SLC30A8: variants seen among roughly 807,000 people sequenced by gnomAD.
SLC30A8 encodes solute carrier family 30 member 8.
SLC30A8 carries 27 observed loss-of-function variants against 36.9 expected under a neutral mutation model. The ratio of observed to expected loss-of-function variants is 0.73; its 90% CI spans 0.54 to 1.01. The LOEUF (loss-of-function observed/expected upper bound fraction) is 1.01. Among genes scored for constraint, SLC30A8 ranks in the 50% least tolerant of loss-of-function variants. The pLI is 0.00. For synonymous variants in SLC30A8, 164 were observed against 172.4 expected, an observed-to-expected ratio of 0.95 and a Z score of 0.38; for missense variants, 439 against 452.0, an observed-to-expected ratio of 0.97 and a Z score of 0.26.
rs528474649 is a variant in SLC30A8 at position 117,027,181 on chromosome 8, G to A, written c.-265-12038G>A. ...TCCAAACTGAAAGGGCATGTGTTTG[G>A]CGACAGGGATAGAAAGTTGAATACA... is the stretch of plus-strand genomic sequence containing the variant. On this transcript the variant is annotated intron_variant, in intron 1 of 10. Transcript: ENST00000427715. 4.6e-5 allele frequency among the ~76,000 whole-genome samples: 7 copies of A among 152,224 alleles called. No homozygotes were observed. The South Asian group carries it at 1.5e-3, about 32-fold the overall frequency.
chr8:117,094,943 G>C (rs1232987022), intron 2 of SLC30A8, among the ~76,000 whole-genome samples: 2 of 152,242 alleles, frequency 1.3e-5, no homozygotes, highest in Non-Finnish European at 2.9e-5. Flanking sequence ...GTGCACGCCT[G>C]GCCAGGCTGT....
intron 2 of SLC30A8, among the ~76,000 whole-genome samples, chr8:117,111,375 G>T (rs1226498748): frequency 1.3e-5 from 2 of 152,094 alleles, no homozygotes; most frequent in Non-Finnish European, 2.9e-5. Flanking sequence ...TCAGACTTTA[G>T]CAGTAGACCA....
intron 2 of SLC30A8, among the ~76,000 whole-genome samples, chr8:117,057,298 A>T (rs1159124350): frequency 6.6e-6 from 1 of 152,200 alleles, no homozygotes; most frequent in African/African-American, 2.4e-5. Context: ...GTACAGTGTG[A>T]TGATTTGGTA....
At chr8:117,005,491 T>A (rs1188608037) in intron 1 of SLC30A8, among the ~76,000 whole-genome samples, 1 of 152,230 alleles carries the variant, frequency 6.6e-6, no homozygotes, top group Non-Finnish European at 1.5e-5. Flanking sequence ...ACTTTTAGGT[T>A]GATTCCACCT....
Position 117,002,913 on chromosome 8 carries a change from A to AT in SLC30A8, c.-265-36297dup, listed in dbSNP as rs201180534. Among the ~76,000 whole-genome samples the AT allele has an allele frequency of 2.5e-3, 385 of 151,278 alleles. 4 individuals carry two copies. The highest frequency in any genetic ancestry group is 7.6e-3 in the African/African-American group (315 of 41,272). The stretch of plus-strand genomic sequence containing the variant: ...CCACTGTGCCTGGCCAAAAGATGTT[A>AT]TTTTTTTTTAGCATCCATTCGTTGT... On this transcript the variant is annotated intron_variant, in intron 1 of 10. Coordinates refer to the SLC30A8 transcript ENST00000427715.
intron 1 of SLC30A8, among the ~76,000 whole-genome samples, chr8:116,952,477 C>T (rs1167129276): frequency 6.6e-6 from 1 of 152,042 alleles, no homozygotes; most frequent in Non-Finnish European, 1.5e-5. Context: ...CAGAGTCTCC[C>T]TCTGTCACCC....
chr8:116,974,231 C>A (rs957376820), intron 1 of SLC30A8, among the ~76,000 whole-genome samples: 36 of 152,296 alleles, frequency 2.4e-4, no homozygotes, highest in African/African-American at 8.4e-4. Context: ...GCAAAAGAAA[C>A]CACCATCAGA....
chr8:117,053,818 A>G (rs1192187646), intron 2 of SLC30A8, among the ~76,000 whole-genome samples: 1 of 152,228 alleles, frequency 6.6e-6, no homozygotes, highest in African/African-American at 2.4e-5. Context: ...GGTTTTTGAA[A>G]TGAACTTGAA....
chr8:117,013,875 TA>T (rs1422950964), intron 1 of SLC30A8, among the ~76,000 whole-genome samples: 1 of 152,218 alleles, frequency 6.6e-6, no homozygotes, highest in Non-Finnish European at 1.5e-5. Flanking sequence ...GAGAATATAT[TA>T]ATCATTATCA....
rs571289829 is a variant in SLC30A8, at chr8:117,004,883, G to A, written c.-265-34336G>A. On this transcript the variant is annotated intron_variant, in intron 1 of 10. Transcript: ENST00000427715. ...TCTAGCAACTTGTTTATAAATAAGA[G>A]CATTTTTTGCAAAAATTTTCAAAGG... Among the ~76,000 whole-genome samples the A allele has an allele frequency of 8.6e-5, 13 of 151,944 alleles. No individual in the cohort carries two copies. The South Asian group carries it at 2.5e-3, about 29-fold the overall frequency.
chr8:116,951,945 A>G (rs1045480304), intron 1 of SLC30A8, among the ~76,000 whole-genome samples: 1 of 152,038 alleles, frequency 6.6e-6, no homozygotes, highest in African/African-American at 2.4e-5. Flanking sequence ...ATTATGATAC[A>G]TGTGGTAGAT....
rs554274271 is a variant in SLC30A8, at chr8:117,023,871, G to A, written c.-265-15348G>A. Among the ~76,000 whole-genome samples the A allele has an allele frequency of 3.7e-3, 560 of 151,674 alleles. 4 individuals are homozygous for A. Among genetic ancestry groups the A allele is most frequent in the African/African-American group, 0.012 (514 of 41,286 alleles). ...TGTACCCTAAAACTTAAAAAAAAAA[G>A]AACATTATCACCCTAACTAACTTGA... On this transcript the variant is annotated intron_variant, in intron 1 of 10. Coordinates refer to the SLC30A8 transcript ENST00000427715.
chr8:117,053,733 A>G (rs1817782999), intron 2 of SLC30A8, among the ~76,000 whole-genome samples: 1 of 152,204 alleles, frequency 6.6e-6, no homozygotes, highest in Admixed American at 6.5e-5. Flanking sequence ...ATGCATGCAT[A>G]GTGCTGCATA....
chr8:117,014,710 T>C (rs1238716192), intron 1 of SLC30A8, among the ~76,000 whole-genome samples: 1 of 152,170 alleles, frequency 6.6e-6, no homozygotes, highest in Non-Finnish European at 1.5e-5. Context: ...ATCAGAGAGC[T>C]GAGGCTTTCT....
intron 2 of SLC30A8, among the ~76,000 whole-genome samples, chr8:117,076,959 T>A (rs2130806474): frequency 6.6e-6 from 1 of 152,372 alleles, no homozygotes. Context: ...TCTCTTGTGA[T>A]GACTCTTGGT....
At chr8:117,154,374 AT>A (rs1309449029) in intron 3 of SLC30A8, among the ~76,000 whole-genome samples, 1 of 152,086 alleles carries the variant, frequency 6.6e-6, no homozygotes, top group Non-Finnish European at 1.5e-5. Flanking sequence ...ACAATTCCAC[AT>A]TTTCACACTG....
intron 1 of SLC30A8, among the ~76,000 whole-genome samples, chr8:116,980,741 C>T (rs1361603117): frequency 6.6e-6 from 1 of 152,170 alleles, no homozygotes; most frequent in Non-Finnish European, 1.5e-5. Context: ...AACACACCCC[C>T]ATCGAAAGGC....
At chr8:117,089,101 A>G (rs1447025697) in intron 2 of SLC30A8, among the ~76,000 whole-genome samples, 2 of 152,080 alleles carry the variant, frequency 1.3e-5, no homozygotes, top group Non-Finnish European at 2.9e-5. Flanking sequence ...GTAAACTTCC[A>G]TTTTATTTCC....
chr8:117,100,387 A>AT (rs1234103635), intron 2 of SLC30A8, among the ~76,000 whole-genome samples: 1 of 152,196 alleles, frequency 6.6e-6, no homozygotes, highest in African/African-American at 2.4e-5. Context: ...TGGGGGAGGT[A>AT]TTCAAATCTT....
Sources: allele counts gnomAD v4.1 joint callset (sites outside exome capture counted in the v4.1 genomes callset), GRCh38; gene constraint gnomAD v4.1.1; transcripts MANE v1.5; gene names NCBI Gene and HGNC (gene_info 2026-07-23, HGNC 2026-07-21).